The following TRIM3 variants were observed in gnomAD, a reference collection of about 807,000 sequenced individuals.
TRIM3 encodes tripartite motif containing 3, also known as tripartite motif-containing protein 3.
In TRIM3, 13 loss-of-function variants were observed where a neutral mutation model predicts 66.6. The observed-to-expected ratio is 0.20, with a 90% confidence interval of 0.13 to 0.31. The LOEUF is 0.31. Among genes scored for constraint, TRIM3 ranks in the 10% least tolerant of loss-of-function variants. TRIM3 has a pLI of 1.00. For missense variants in TRIM3, 711 were observed against 1,020.4 expected, an observed-to-expected ratio of 0.70 and a Z score of 4.13; for synonymous variants, 406 against 411.7, an observed-to-expected ratio of 0.99 and a Z score of 0.17.
chr11:6,455,996 A>G, intron 7 of TRIM3, 76 bp downstream of exon 7: 2 of 1,422,966 alleles, frequency 1.4e-6, no homozygotes, highest in Non-Finnish European at 2.0e-6. Context: ...GGTGACCTGT[A>G]CATTCTATCT....
chr11:6,456,653 C>G lies in TRIM3; in HGVS notation c.1073G>C (p.Gly358Ala), dbSNP rs1237081074. The G allele has an allele frequency of 6.2e-7, 1 of 1,608,720 alleles. No homozygotes were observed. Among genetic ancestry groups the G allele is most frequent in the Non-Finnish European group, 8.5e-7 (1 of 1,177,212 alleles). Residue 358 changes from glycine (G) to alanine (A), a missense_variant, in exon 6 of 12, where the codon GGC becomes GCC. This residue lies in a region of TRIM3 where 399 missense variants were observed against 458.1 expected (regional missense o/e 0.87). Coordinates refer to ENST00000345851, the MANE Select transcript of TRIM3 (RefSeq NM_033278.4). This position sits in a 1 kb window ranked among gnomAD's most constrained non-coding sequence, Gnocchi z 6.4. ...KDKDGRLVRT[G>A]SAELRAEITG... Reference sequence around the variant, plus strand: ...GATCTCTGCACGCAGCTCAGCGCTGCCTGTGCGCACCAACCGCCCGTCCTT... The same window carrying G: ...GATCTCTGCACGCAGCTCAGCGCTGGCTGTGCGCACCAACCGCCCGTCCTT...
At chr11:6,455,997 C>G (rs995014540) in intron 7 of TRIM3, 75 bp downstream of exon 7, 7 of 1,431,628 alleles carry the variant, frequency 4.9e-6, no homozygotes, top group Non-Finnish European at 6.9e-6. Context: ...GTGACCTGTA[C>G]ATTCTATCTT....
chr11:6,461,187 T>C (rs1456491688), intron 2 of TRIM3, among the ~76,000 whole-genome samples: 2 of 152,202 alleles, frequency 1.3e-5, no homozygotes, highest in African/African-American at 4.8e-5. Flanking sequence ...ATTACAGGCA[T>C]GAGCCACCAT....
rs1295163149 is a variant in TRIM3 at position 6,450,700 on chromosome 11, G to A, written c.1871-79C>T. The A allele has an allele frequency of 1.3e-6, 2 of 1,495,144 alleles. No individual in the cohort carries two copies. Among genetic ancestry groups the A allele is most frequent in the African/African-American group, 2.8e-5 (2 of 72,536 alleles). 92.6% of individuals were successfully genotyped at this position (1,495,144 alleles called of 1,614,324 possible). ...GGGAAGAGTATCTGGGAAGATAAAA[G>A]CTAGGGTGTTAGGAGAGGGGTGGGG... On this transcript the variant is annotated intron_variant, in intron 9 of 11. Transcript: ENST00000345851. This position sits in a 1 kb window ranked among gnomAD's most constrained non-coding sequence, Gnocchi z 4.8.
At position 6,457,560 on chromosome 11, in the gene TRIM3, C is replaced by T. The variant is rs917947378; in HGVS notation, c.516-84G>A. ...TCTCCCTGGGGAACCTACTGCTGCCCTCATGGAGATCTCCTTCCTGAGACC... is the reference window on the plus strand; with the variant it reads ...TCTCCCTGGGGAACCTACTGCTGCCTTCATGGAGATCTCCTTCCTGAGACC... On this transcript the variant is annotated intron_variant, in intron 4 of 11. Transcript: ENST00000345851. This position sits in a 1 kb window ranked among gnomAD's most constrained non-coding sequence, Gnocchi z 4.5. The T allele has an allele frequency of 2.6e-6, 4 of 1,563,172 alleles. No individual in the cohort carries two copies. The African/African-American group carries it at 5.4e-5, about 21-fold the overall frequency.
At chr11:6,459,941 G>A (rs1427483256) in intron 2 of TRIM3, among the ~76,000 whole-genome samples, 1 of 152,238 alleles carries the variant, frequency 6.6e-6, no homozygotes, top group African/African-American at 2.4e-5. Flanking sequence ...GGAGAATGAA[G>A]GTTAGAGACA....
At chr11:6,462,236 C>CTT (rs76906154) in intron 2 of TRIM3, among the ~76,000 whole-genome samples, 70,669 of 151,736 alleles carry the variant, frequency 0.47, 16,988 homozygotes, top group Non-Finnish European at 0.5. Context: ...CTGCAGCTCT[C>CTT]GTTTTCTTGA....
rs1449989295 is a variant in TRIM3, at chr11:6,451,452, G to C, written c.1534-14C>G. The C allele has an allele frequency of 1.2e-6, 2 of 1,613,618 alleles. No individual in the cohort carries two copies. Among genetic ancestry groups the C allele is most frequent in the Non-Finnish European group, 1.7e-6 (2 of 1,179,626 alleles). On this transcript the variant is annotated splice_polypyrimidine_tract_variant and intron_variant, in intron 7 of 11. Transcript: ENST00000345851. ...ATTGGAGAAAACCTGGAGCAGAGGAGCAAGGGGAGGGAGCAGGTAGGAGGG... is the reference window on the plus strand; with the variant it reads ...ATTGGAGAAAACCTGGAGCAGAGGACCAAGGGGAGGGAGCAGGTAGGAGGG...
intron 1 of TRIM3, among the ~76,000 whole-genome samples, chr11:6,468,460 G>A (rs1269276273): frequency 6.6e-6 from 1 of 152,242 alleles, no homozygotes; most frequent in Non-Finnish European, 1.5e-5. Context: ...AGGGCAGACA[G>A]TGATAAGAAA....
chr11:6,467,159 A>C (rs991956804), intron 1 of TRIM3, among the ~76,000 whole-genome samples: 1 of 152,166 alleles, frequency 6.6e-6, no homozygotes, highest in African/African-American at 2.4e-5. Flanking sequence ...AAGTGATATA[A>C]AGAAAAAAGG....
At chr11:6,455,157 G>A (rs1417349639) in intron 7 of TRIM3, among the ~76,000 whole-genome samples, 2 of 152,010 alleles carry the variant, frequency 1.3e-5, no homozygotes, top group Non-Finnish European at 2.9e-5. Flanking sequence ...CCACCTGGAC[G>A]ATGATATTTT....
At chr11:6,472,350 C>T (rs143939747) in intron 1 of TRIM3, among the ~76,000 whole-genome samples, 36 of 152,310 alleles carry the variant, frequency 2.4e-4, no homozygotes, top group African/African-American at 7.9e-4. Flanking sequence ...TGTACTACCT[C>T]GATGATTTGA....
chr11:6,457,519 T>G lies in TRIM3; in HGVS notation c.516-43A>C, dbSNP rs1320882472. On this transcript the variant is annotated intron_variant, in intron 4 of 11. Coordinates refer to ENST00000345851, the MANE Select transcript of TRIM3 (RefSeq NM_033278.4). This position sits in a 1 kb window ranked among gnomAD's most constrained non-coding sequence, Gnocchi z 4.5. Reference sequence around the variant, plus strand: ...CATTCCAGAGTTGCTGAGGGTGGCTTTGCCGAACTTTCCCTTCTCCCTGGG... The same window carrying G: ...CATTCCAGAGTTGCTGAGGGTGGCTGTGCCGAACTTTCCCTTCTCCCTGGG... 1 of 1,597,742 alleles carries G rather than the reference T, an allele frequency of 6.3e-7. No homozygotes were observed. The highest frequency in any genetic ancestry group is 1.3e-5 in the African/African-American group (1 of 74,654).
intron 1 of TRIM3, among the ~76,000 whole-genome samples, chr11:6,469,316 C>G (rs1028218007): frequency 1.3e-5 from 2 of 152,166 alleles, no homozygotes; most frequent in African/African-American, 2.4e-5. Flanking sequence ...GCTCCTCCCC[C>G]ACTCCTCCCC....
chr11:6,454,386 CAAAAAAAAA>C (rs10665333), intron 7 of TRIM3, among the ~76,000 whole-genome samples: 2 of 129,238 alleles, frequency 1.5e-5, no homozygotes, highest in Admixed American at 1.6e-4. Flanking sequence ...GACCCTGTCT[CAAAAAAAAA>C]AAAAAAAACT....
At chr11:6,468,639 C>G (rs1477419659) in intron 1 of TRIM3, among the ~76,000 whole-genome samples, 2 of 152,116 alleles carry the variant, frequency 1.3e-5, no homozygotes, top group African/African-American at 2.4e-5. Flanking sequence ...CTAGATTTGG[C>G]TGTGGTGGGG....
chr11:6,459,771 C>T (rs1054423689), intron 2 of TRIM3, among the ~76,000 whole-genome samples: 5 of 152,172 alleles, frequency 3.3e-5, no homozygotes, highest in African/African-American at 1.2e-4. Context: ...GATGAGTCTT[C>T]GCTGACTTCC....
chr11:6,451,088 C>A (rs1759406495), intron 8 of TRIM3, 28 bp from the exon 9 acceptor site: 1 of 1,611,324 alleles, frequency 6.2e-7, no homozygotes, highest in Admixed American at 1.7e-5. Context: ...CCATAAGAGG[C>A]TTTATTCTGA....
chr11:6,471,957 T>A (rs1353780893), intron 1 of TRIM3, among the ~76,000 whole-genome samples: 1 of 151,976 alleles, frequency 6.6e-6, no homozygotes, highest in East Asian at 1.9e-4. Context: ...AGCATAAAAA[T>A]AAATATGCTA....
Sources: allele counts gnomAD v4.1 joint callset (sites outside exome capture counted in the v4.1 genomes callset), GRCh38; gene constraint gnomAD v4.1.1; regional missense constraint gnomAD v4.1.1; non-coding constraint Gnocchi (gnomAD v3.1); transcripts MANE v1.5; gene names NCBI Gene and HGNC (gene_info 2026-07-23, HGNC 2026-07-21).